PREPL: variants seen among roughly 807,000 people sequenced by gnomAD.
The protein encoded by PREPL is prolyl endopeptidase-like.
PREPL carries 77 observed loss-of-function variants against 70.6 expected under a neutral mutation model. The observed-to-expected ratio is 1.09, with a 90% CI of 0.91 to 1.32. PREPL has a LOEUF of 1.32. Among genes scored for constraint, PREPL ranks in the 40% most tolerant of loss-of-function variants. The pLI is 0.00. For synonymous variants in PREPL, 315 were observed against 264.8 expected (o/e 1.19, Z -1.84); for missense variants, 1,002 against 778.2 (o/e 1.29, Z -3.42).
chr2:44,334,446 T>C (rs1361127585), intron 7 of PREPL, among the ~76,000 whole-genome samples: 1 of 152,186 alleles, frequency 6.6e-6, no homozygotes, highest in African/African-American at 2.4e-5. Context: ...TAACTTCTTT[T>C]TGTGACAAAA....
At chr2:44,346,168 T>A (rs571407929) in intron 2 of PREPL, 100 bp downstream of exon 2, 2 of 1,150,602 alleles carry the variant, frequency 1.7e-6, no homozygotes, top group Admixed American at 2.4e-5. Flanking sequence ...AAAAGCAGTA[T>A]AATCTTGATG....
rs753863367 is a variant in PREPL at position 44,323,382 on chromosome 2, C to T, written c.1509G>A (p.Met503Ile). 21 of 1,603,322 alleles carry T rather than the reference C, an allele frequency of 1.3e-5. No individual in the cohort carries two copies. The highest frequency in any genetic ancestry group is 1.7e-4 in the Middle Eastern group (1 of 6,034). ...EAPFLDVLNT[M>I]MDTTLPLTLE... is the part of the protein sequence containing the mutation. Reference sequence around the variant, plus strand: ...ATGTCAGAGGAAGTGTAGTGTCCATCATGGTGTTGAGAACATCCAAGAAAG... The same window carrying T: ...ATGTCAGAGGAAGTGTAGTGTCCATTATGGTGTTGAGAACATCCAAGAAAG... Residue 503 changes from methionine (M) to isoleucine (I), a missense_variant, in exon 11 of 14, where the codon ATG (methionine) becomes ATA (isoleucine). Coordinates refer to ENST00000409411, the MANE Select transcript of PREPL (RefSeq NM_001171613.2).
Position 44,320,666 on chromosome 2 carries a change from TG to T in PREPL, c.*689del. On this transcript the variant is annotated 3_prime_UTR_variant, in exon 14 of 14. Transcript: ENST00000409411. ...CACCTTTATGAAGAGATGAAGACAC[TG>T]GCATTTCAGTGGGATTGTAAGCATT... is the stretch of plus-strand genomic sequence containing the variant. The T allele has an allele frequency of 1.9e-6, 3 of 1,570,646 alleles. No individual in the cohort carries two copies. Among genetic ancestry groups the T allele is most frequent in the Non-Finnish European group, 2.6e-6 (3 of 1,140,646 alleles).
chr2:44,335,107 G>A (rs926728369), intron 7 of PREPL, among the ~76,000 whole-genome samples: 2 of 152,130 alleles, frequency 1.3e-5, no homozygotes, highest in Non-Finnish European at 2.9e-5. Flanking sequence ...ACTTGATGAT[G>A]ACTAGAACAT....
At chr2:44,360,816 G>A (rs1411677757) in intron 1 of PREPL, 7 of 152,140 alleles carry the variant, frequency 4.6e-5, no homozygotes, top group African/African-American at 1.7e-4. Flanking sequence ...TTTACGACAG[G>A]AATAATCTAG....
chr2:44,320,543 T>A lies in PREPL; in HGVS notation c.*813A>T, dbSNP rs745852156. 2.2e-5 allele frequency: 36 copies of A among 1,613,938 alleles called. No individual in the cohort carries two copies. The highest frequency in any genetic ancestry group is 3.1e-5 in the Non-Finnish European group (36 of 1,179,932). On this transcript the variant is annotated 3_prime_UTR_variant, in exon 14 of 14. Transcript: ENST00000409411. ...TCATCTTTGAACACAACACGAAGAA[T>A]CTCCTTCATCGCCAAACAGCTTTCA...
intron 1 of PREPL, among the ~76,000 whole-genome samples, chr2:44,351,030 C>T (rs556380051): frequency 7.8e-4 from 118 of 151,502 alleles, no homozygotes; most frequent in African/African-American, 2.7e-3. Context: ...TCAAGCGATT[C>T]TCCTGCCTCC....
At chr2:44,338,241 C>T in intron 7 of PREPL, 110 bp downstream of exon 7, 1 of 1,038,658 alleles carries the variant, frequency 9.6e-7, no homozygotes, top group South Asian at 1.5e-5. Flanking sequence ...AAGTTACATT[C>T]CTTTCAAGAA....
At position 44,346,255 on chromosome 2, in the gene PREPL, T is replaced by A. The variant is rs1178650914; in HGVS notation, c.75+13A>T. The A allele has an allele frequency of 1.2e-6, 2 of 1,600,262 alleles. No individual in the cohort carries two copies. Among genetic ancestry groups the A allele is most frequent in the Non-Finnish European group, 1.7e-6 (2 of 1,174,162 alleles). ...TATCAAAAATTTTTTTTTAAAGACA[T>A]GAGATATCTTACTTCCACATTGATG... On this transcript the variant is annotated intron_variant, in intron 2 of 13. Coordinates refer to ENST00000409411, the MANE Select transcript of PREPL (RefSeq NM_001171613.2).
At chr2:44,348,914 C>G (rs989275214) in intron 1 of PREPL, among the ~76,000 whole-genome samples, 2 of 152,172 alleles carry the variant, frequency 1.3e-5, no homozygotes, top group African/African-American at 4.8e-5. Context: ...ATATCATTAG[C>G]GTACACAGCT....
chr2:44,319,975 C>A lies in PREPL; in HGVS notation c.*1381G>T, dbSNP rs1039831088. ...CTCTACAATGTAGCAGAGCACTGTG[C>A]GTACTTATTGACTCCCAGACAAGCC... On this transcript the variant is annotated 3_prime_UTR_variant, in exon 14 of 14. Coordinates refer to ENST00000409411, the MANE Select transcript of PREPL (RefSeq NM_001171613.2). The A allele has an allele frequency of 9.2e-6, 5 of 540,832 alleles. No individual in the cohort carries two copies. The highest frequency in any genetic ancestry group is 6.2e-5 in the South Asian group (3 of 48,020). 33.5% of individuals were successfully genotyped at this position (540,832 alleles called of 1,614,324 possible). A position where few individuals can be genotyped will look rare whatever the true frequency, so the allele number is the denominator to read the frequency against.
At chr2:44,347,293 G>C (rs1675931929) in intron 1 of PREPL, 1 of 152,228 alleles carries the variant, frequency 6.6e-6, no homozygotes, top group Non-Finnish European at 1.5e-5. Context: ...GCATGATCAT[G>C]CCATTGCACT....
At position 44,343,893 on chromosome 2, in the gene PREPL, G is replaced by C. The variant is rs1675493676; in HGVS notation, c.201C>G (p.Pro67=). ...GAGCAACTCTGATACAATCAATGAA[G>C]GGCTGGTCTAACTTAAGTTCCTCCA... ...FNLEELKLDQ[P]FIDCIRVAPD... Residue 67 remains proline (P), a synonymous_variant, in exon 4 of 14, where the codon CCC becomes CCG. Coordinates refer to ENST00000409411, the MANE Select transcript of PREPL (RefSeq NM_001171613.2). The C allele has an allele frequency of 6.2e-7, 1 of 1,613,904 alleles. No homozygotes were observed. Among genetic ancestry groups the C allele is most frequent in the Non-Finnish European group, 8.5e-7 (1 of 1,179,948 alleles).
At chr2:44,335,573 T>G (rs1330033634) in intron 7 of PREPL, among the ~76,000 whole-genome samples, 1 of 152,160 alleles carries the variant, frequency 6.6e-6, no homozygotes, top group East Asian at 1.9e-4. Context: ...ATTAAAGACT[T>G]AAATGTAAAA....
chr2:44,342,840 A>G (rs75235047), intron 4 of PREPL, among the ~76,000 whole-genome samples: 6,973 of 152,280 alleles, frequency 0.046, 516 homozygotes, highest in African/African-American at 0.16. Context: ...AGACATTGGT[A>G]AAGTCACATT....
In PREPL at chr2:44,318,401, G is replaced by T; in HGVS notation, c.*2955C>A. On this transcript the variant is annotated 3_prime_UTR_variant, in exon 14 of 14. Coordinates refer to ENST00000409411, the MANE Select transcript of PREPL (RefSeq NM_001171613.2). The stretch of plus-strand genomic sequence containing the variant: ...CCACCTTGCCTGGCCTGCAAAATTT[G>T]TTTTTAATAGAAGACACAAGAAATG... The T allele has an allele frequency of 5.7e-6, 1 of 175,756 alleles. No homozygotes were observed. The highest frequency in any genetic ancestry group is 1.2e-5 in the Non-Finnish European group (1 of 81,432). 10.9% of individuals were successfully genotyped at this position (175,756 alleles called of 1,614,324 possible).
At chr2:44,355,247 T>C (rs1343630873) in intron 1 of PREPL, among the ~76,000 whole-genome samples, 1 of 152,110 alleles carries the variant, frequency 6.6e-6, no homozygotes, top group South Asian at 2.1e-4. Context: ...TTAAGATGTC[T>C]CAAATAAAAT....
intron 1 of PREPL, among the ~76,000 whole-genome samples, chr2:44,347,484 A>C (rs1487116332): frequency 6.6e-6 from 1 of 152,276 alleles, no homozygotes; most frequent in Admixed American, 6.5e-5. Context: ...ATGAAAGCTA[A>C]ATAAGCATTC....
At chr2:44,359,977 TAA>T in intron 1 of PREPL, 1 of 420,280 alleles carries the variant, frequency 2.4e-6, no homozygotes, top group Non-Finnish European at 4.3e-6. Flanking sequence ...GTCTCATTTG[TAA>T]AGTTAATCCT....
Sources: allele counts gnomAD v4.1 joint callset (sites outside exome capture counted in the v4.1 genomes callset), GRCh38; gene constraint gnomAD v4.1.1; transcripts MANE v1.5; gene names NCBI Gene and HGNC (gene_info 2026-07-23, HGNC 2026-07-21).